The following FHL1 variants were observed in gnomAD, a reference collection of about 807,000 sequenced individuals.
FHL1 encodes four and a half LIM domains 1.
A neutral mutation model predicts 20.3 loss-of-function variants in FHL1; 1 was observed. The observed-to-expected ratio is 0.05, with a 90% confidence interval of 0.02 to 0.23. The LOEUF is 0.23. FHL1 is among the 10% of genes least tolerant of loss of function. The probability of loss-of-function intolerance (pLI) is 1.00; values close to 1 mark genes in which losing one functional copy is unlikely to be tolerated. For synonymous variants in FHL1, 82 were observed against 88.9 expected (o/e 0.92, Z 0.44); for missense variants, 177 against 234.0 (o/e 0.76, Z 1.59).
chrX:136,202,794 C>G (rs1009734221), intron 1 of FHL1, among the ~76,000 whole-genome samples: 3 of 112,303 alleles, frequency 2.7e-5, no homozygotes, highest in African/African-American at 9.7e-5. Flanking sequence ...CTTTTCTCTC[C>G]TCATGAAGTC....
chrX:136,206,977 A>G lies in FHL1; in HGVS notation c.205-39A>G, dbSNP rs147216328. The G allele has an allele frequency of 5.7e-4, 680 of 1,202,484 alleles. 7 individuals carry two copies. The African/African-American group carries it at 0.01, about 18-fold the overall frequency. Reference sequence around the variant, plus strand: ...GAGGGCTCCTGCCACCACCCCCAGCACCCCTCATGGTGGCCCACCCTGTCT... The same window carrying G: ...GAGGGCTCCTGCCACCACCCCCAGCGCCCCTCATGGTGGCCCACCCTGTCT... On this transcript the variant is annotated intron_variant, in intron 2 of 5. Coordinates refer to ENST00000370683, the MANE Select transcript of FHL1 (RefSeq NM_001159699.2).
At chrX:136,172,383 C>T (rs2072894716) in intron 2 of FHL1, among the ~76,000 whole-genome samples, 1 of 112,317 alleles carries the variant, frequency 8.9e-6, no homozygotes, top group Admixed American at 9.4e-5. Flanking sequence ...GTGGGACATG[C>T]CTAGATTATT....
intron 1 of FHL1, among the ~76,000 whole-genome samples, chrX:136,162,644 G>C (rs1346283423): frequency 9.0e-6 from 1 of 111,716 alleles, no homozygotes; most frequent in Non-Finnish European, 1.9e-5. Context: ...TCCAGACCTA[G>C]GGAATCAGAA....
intron 2 of FHL1, among the ~76,000 whole-genome samples, chrX:136,186,868 ATATATATATATATAGATAG>A (rs1569529363): frequency 7.3e-4 from 6 of 8,188 alleles, no homozygotes; most frequent in East Asian, 0.03. Flanking sequence ...AAAAAAAAAT[ATATATATATATATAGATAG>A]ATAGATAGAT....
intron 1 of FHL1, chrX:136,206,047 C>A (rs1386932993): frequency 3.1e-6 from 1 of 319,533 alleles, no homozygotes; most frequent in Non-Finnish European, 5.6e-6. Context: ...AGCCATACCT[C>A]CCAGCATCCT....
intron 1 of FHL1, chrX:136,204,606 A>T (rs1156828730): frequency 1.8e-5 from 2 of 112,484 alleles, no homozygotes; most frequent in African/African-American, 6.5e-5. Context: ...TGTCCTAAGC[A>T]ACTGTCCTTG....
chrX:136,205,847 G>A (rs1291979842), intron 1 of FHL1, among the ~76,000 whole-genome samples: 1 of 111,457 alleles, frequency 9.0e-6, no homozygotes, highest in Non-Finnish European at 1.9e-5. Context: ...CGGGCAGAGA[G>A]GCTTCTTGAT....
chrX:136,177,692 G>A (rs1350429633), intron 2 of FHL1, among the ~76,000 whole-genome samples: 1 of 111,961 alleles, frequency 8.9e-6, no homozygotes, highest in African/African-American at 3.2e-5. Flanking sequence ...GTCCTCTTCT[G>A]TCCTTACTCC....
upstream of FHL1, among the ~76,000 whole-genome samples, chrX:136,195,191 G>A (rs1037571845): frequency 2.8e-4 from 31 of 112,198 alleles, no homozygotes; most frequent in African/African-American, 9.7e-4. Context: ...TACCATACTT[G>A]CCTAAAAGAA....
At chrX:136,163,314 A>G (rs1289881538) in intron 1 of FHL1, among the ~76,000 whole-genome samples, 1 of 112,530 alleles carries the variant, frequency 8.9e-6, no homozygotes, top group African/African-American at 3.2e-5. Flanking sequence ...TCTAGCTGCA[A>G]TGAACGTCAG....
chrX:136,193,252 G>A (rs190539642), upstream of FHL1, among the ~76,000 whole-genome samples: 299 of 111,908 alleles, frequency 2.7e-3, 1 homozygote, highest in African/African-American at 9.2e-3. Flanking sequence ...CTAGTAAAGG[G>A]AGAAGGGTGA....
In FHL1 at chrX:136,209,800, G is replaced by C. The variant is rs184761695; in HGVS notation, c.737-71G>C. ...GGTCGTCATTTTATCTCTCTGAATC[G>C]TGGTTTCCTCACCTGTATTCATTCA... On this transcript the variant is annotated intron_variant, in intron 5 of 5. Transcript: ENST00000370683. 6.3e-4 allele frequency: 703 copies of C among 1,115,588 alleles called. 1 individual carries two copies. The African/African-American group carries it at 9.8e-3, about 16-fold the overall frequency. The allele number at this position is 1,115,588 out of a possible 1,213,427, so 91.9% of individuals were successfully genotyped here.
At chrX:136,156,562 G>A (rs2072426046) in intron 1 of FHL1, among the ~76,000 whole-genome samples, 1 of 111,629 alleles carries the variant, frequency 9.0e-6, no homozygotes, top group Non-Finnish European at 1.9e-5. Flanking sequence ...GATTGCAGGC[G>A]TGAGCTGTTC....
At chrX:136,209,740 G>T in intron 5 of FHL1, 131 bp from the exon 6 acceptor site, 1 of 767,850 alleles carries the variant, frequency 1.3e-6, no homozygotes, top group South Asian at 2.6e-5. Context: ...AGGCAGACCT[G>T]GCTCTTGCGT....
chrX:136,167,916 C>T (rs748271418), upstream of FHL1: 12 of 112,206 alleles, frequency 1.1e-4, no homozygotes, highest in East Asian at 2.2e-3. Context: ...TCAGGTTTGA[C>T]GCTTCAGTTG....
In FHL1 at chrX:136,206,540, T is replaced by C. The variant is rs368235882; in HGVS notation, c.156T>C (p.Cys52=). 8.2e-7 allele frequency: 1 copy of C among 1,212,495 alleles called. No individual in the cohort carries two copies. The highest frequency in any genetic ancestry group is 1.1e-6 in the Non-Finnish European group (1 of 895,650). Residue 52 remains cysteine (C), a synonymous_variant, in exon 2 of 6, where the codon TGT becomes TGC. Transcript: ENST00000370683. ...GCCTGAAATGCTTTGACAAGTTCTG[T>C]GCCAACACCTGTGTGGAATGCCGCA... ...HCCLKCFDKF[C]ANTCVECRKP...
upstream of FHL1, among the ~76,000 whole-genome samples, chrX:136,194,577 G>C (rs751351012): frequency 6.3e-5 from 7 of 111,736 alleles, no homozygotes; most frequent in African/African-American, 1.9e-4. Flanking sequence ...ACACCAAAGA[G>C]AGTTGCTCCC....
chrX:136,165,842 T>C, upstream of FHL1, among the ~76,000 whole-genome samples: 1 of 112,202 alleles, frequency 8.9e-6, no homozygotes, highest in Non-Finnish European at 1.9e-5. Flanking sequence ...AGTGATTGTA[T>C]GTGTTAAATG....
intron 1 of FHL1, among the ~76,000 whole-genome samples, chrX:136,160,100 A>G (rs750477537): frequency 4.5e-5 from 5 of 112,216 alleles, no homozygotes; most frequent in African/African-American, 1.6e-4. Flanking sequence ...GGACCTGGGT[A>G]ACTATGATGG....
Sources: gnomAD v4.1 joint callset for allele counts (sites outside exome capture counted in the v4.1 genomes callset) on GRCh38, gnomAD v4.1.1 for gene constraint, MANE v1.5 for transcripts, NCBI Gene and HGNC (gene_info 2026-07-23, HGNC 2026-07-21) for gene names.